The following RBFOX1 variants were observed in gnomAD, a reference collection of about 807,000 sequenced individuals.
RBFOX1 encodes RNA binding protein fox-1 homolog 1.
In RBFOX1, 8 loss-of-function variants were observed where a neutral mutation model predicts 57.7. That is an observed-to-expected ratio of 0.14 (90% CI 0.08 to 0.25). The LOEUF (loss-of-function observed/expected upper bound fraction) is 0.25, where lower values mean the gene tolerates loss of function less well. Ranked by LOEUF, RBFOX1 falls within the 10% of genes least tolerant of loss-of-function variation. RBFOX1 has a pLI of 1.00. For synonymous variants in RBFOX1, 326 were observed against 222.4 expected (o/e 1.47, Z -4.15); for missense variants, 611 against 548.5 (o/e 1.11, Z -1.14).
intron 2 of RBFOX1, among the ~76,000 whole-genome samples, chr16:6,649,771 T>C (rs960718510): frequency 6.6e-6 from 1 of 152,232 alleles, no homozygotes; most frequent in African/African-American, 2.4e-5. Flanking sequence ...ATATATAAGA[T>C]GTAGTATTCC....
chr16:5,655,761 C>T (rs1033822740), intron 3 of RBFOX1, among the ~76,000 whole-genome samples: 41 of 152,146 alleles, frequency 2.7e-4, no homozygotes, highest in Admixed American at 8.5e-4. Flanking sequence ...TGTTGGAAAG[C>T]GAAAATAGCC....
At chr16:7,181,269 G>T (rs2082643451) in intron 4 of RBFOX1, among the ~76,000 whole-genome samples, 1 of 152,138 alleles carries the variant, frequency 6.6e-6, no homozygotes, top group Non-Finnish European at 1.5e-5. Flanking sequence ...AACTGAAGGA[G>T]TACCAGAACT....
At position 7,060,510 on chromosome 16, in the gene RBFOX1, T is replaced by G. The variant is rs1349389751; in HGVS notation, c.27+8412T>G. Among the ~76,000 whole-genome samples, 3 of 152,334 alleles carry G rather than the reference T, an allele frequency of 2.0e-5. No homozygotes were observed. The East Asian group carries it at 5.8e-4, about 29-fold the overall frequency. ...ATTTCTTGCTTTAAAGGCTTCCAGT[T>G]AAATACCTTCTGCCATTCTCAAATG... is the stretch of plus-strand genomic sequence containing the variant. On this transcript the variant is annotated intron_variant, in intron 4 of 15. Coordinates refer to ENST00000550418, the MANE Select transcript of RBFOX1 (RefSeq NM_018723.4).
chr16:6,013,204 T>G (rs2094972203), intron 4 of RBFOX1, among the ~76,000 whole-genome samples: 1 of 152,206 alleles, frequency 6.6e-6, no homozygotes, highest in Non-Finnish European at 1.5e-5. Flanking sequence ...TCCGTTCTGT[T>G]ATTTCTAAAA....
chr16:5,789,016 T>C (rs990379220), intron 3 of RBFOX1, among the ~76,000 whole-genome samples: 12 of 152,154 alleles, frequency 7.9e-5, no homozygotes, highest in Non-Finnish European at 1.5e-4. Flanking sequence ...TCTGATGGGA[T>C]AGACAAGCAG....
intron 3 of RBFOX1, among the ~76,000 whole-genome samples, chr16:5,668,881 C>T (rs2049932239): frequency 6.6e-6 from 1 of 152,128 alleles, no homozygotes; most frequent in African/African-American, 2.4e-5. Context: ...TTCTCCCTAG[C>T]TTGCTTATCT....
intron 4 of RBFOX1, among the ~76,000 whole-genome samples, chr16:7,160,737 A>G (rs1235592672): frequency 4.0e-5 from 6 of 151,766 alleles, no homozygotes; most frequent in Non-Finnish European, 7.4e-5. Context: ...GTTTCTTAAC[A>G]TAGGTACCTA....
chr16:7,429,246 T>C (rs2098655007), intron 4 of RBFOX1, among the ~76,000 whole-genome samples: 1 of 152,210 alleles, frequency 6.6e-6, no homozygotes, highest in South Asian at 2.1e-4. Flanking sequence ...ACCCCTTCCC[T>C]GCTCACCCAT....
rs542466443 is a variant in RBFOX1, at chr16:5,522,975, T to G, written c.258+55721T>G. Reference sequence around the variant, plus strand: ...CACTGAGGTTGATTCTATAGGCTGTTGTGAATAAAGTGCTGCAAAATCATG... The same window carrying G: ...CACTGAGGTTGATTCTATAGGCTGTGGTGAATAAAGTGCTGCAAAATCATG... On this transcript the variant is annotated intron_variant, in intron 2 of 2. Transcript: ENST00000585867. 5.8e-5 allele frequency among the ~76,000 whole-genome samples: 7 copies of G among 120,772 alleles called. No individual in the cohort carries two copies. The South Asian group carries it at 1.6e-3, about 28-fold the overall frequency. The allele number at this position is 120,772 out of a possible 152,430, so 79.2% of individuals were successfully genotyped here.
intron 3 of RBFOX1, among the ~76,000 whole-genome samples, chr16:5,640,144 C>T (rs1487598080): frequency 6.6e-5 from 10 of 152,114 alleles, no homozygotes; most frequent in Non-Finnish European, 1.0e-4. Context: ...CTTACCCAGG[C>T]GTGTGACTGG....
At chr16:6,602,783 T>A (rs1272269170) in intron 2 of RBFOX1, among the ~76,000 whole-genome samples, 1 of 152,138 alleles carries the variant, frequency 6.6e-6, no homozygotes, top group Non-Finnish European at 1.5e-5. Context: ...TGCTATCATT[T>A]AGCACCTGGA....
chr16:6,998,751 T>A (rs1489899004), intron 3 of RBFOX1, among the ~76,000 whole-genome samples: 1 of 152,130 alleles, frequency 6.6e-6, no homozygotes, highest in Non-Finnish European at 1.5e-5. Flanking sequence ...CAGGCTCTCT[T>A]GAGAGAGTAG....
chr16:6,725,457 C>T (rs531081066), intron 3 of RBFOX1, among the ~76,000 whole-genome samples: 10 of 152,226 alleles, frequency 6.6e-5, no homozygotes, highest in Admixed American at 2.0e-4. Context: ...CCCAACCTAC[C>T]GTGAATGCAG....
intron 1 of RBFOX1, among the ~76,000 whole-genome samples, chr16:5,376,534 G>A (rs914415178): frequency 6.6e-6 from 1 of 152,196 alleles, no homozygotes; most frequent in Non-Finnish European, 1.5e-5. Flanking sequence ...AGTCGGGAAA[G>A]GCAGCAGAGG....
chr16:5,688,648 A>G (rs778077716), intron 3 of RBFOX1, among the ~76,000 whole-genome samples: 8 of 152,206 alleles, frequency 5.3e-5, no homozygotes, highest in African/African-American at 1.2e-4. Context: ...GGGTTACATT[A>G]AAGAGAAATT....
At chr16:5,802,205 C>T (rs562942238) in intron 3 of RBFOX1, among the ~76,000 whole-genome samples, 1 of 152,092 alleles carries the variant, frequency 6.6e-6, no homozygotes, top group Non-Finnish European at 1.5e-5. Context: ...CTTTAAGCTC[C>T]CCATCAAAAG....
chr16:7,165,404 A>AATAATAATAATAATG (rs1218943516), intron 4 of RBFOX1, among the ~76,000 whole-genome samples: 1 of 147,324 alleles, frequency 6.8e-6, no homozygotes, highest in Non-Finnish European at 1.5e-5. Flanking sequence ...TAATAATAAT[A>AATAATAATAATAATG]ATAATGATAA....
chr16:5,784,513 A>G (rs2078902148), intron 3 of RBFOX1, among the ~76,000 whole-genome samples: 1 of 152,144 alleles, frequency 6.6e-6, no homozygotes. Flanking sequence ...CACACTTTTA[A>G]ACAACCATCT....
intron 4 of RBFOX1, among the ~76,000 whole-genome samples, chr16:5,873,561 C>T (rs1479626887): frequency 9.9e-5 from 15 of 152,178 alleles, no homozygotes; most frequent in East Asian, 7.7e-4. Flanking sequence ...ATTTCTTGAA[C>T]GTTTAAGTGA....
Sources: allele counts gnomAD v4.1 joint callset (sites outside exome capture counted in the v4.1 genomes callset), GRCh38; gene constraint gnomAD v4.1.1; transcripts MANE v1.5; gene names NCBI Gene and HGNC (gene_info 2026-07-23, HGNC 2026-07-21).